The following ABCD2 variants were observed in gnomAD, a reference collection of about 807,000 sequenced individuals.
ABCD2 encodes the protein ATP binding cassette subfamily D member 2.
In ABCD2, 36 loss-of-function variants were observed where a neutral mutation model predicts 70.9. The observed-to-expected ratio is 0.51, with a 90% CI of 0.39 to 0.67. ABCD2 has a LOEUF of 0.67. Ranked by LOEUF, ABCD2 falls within the 30% of genes least tolerant of loss-of-function variation. The pLI, the probability that ABCD2 is intolerant of heterozygous loss-of-function variation, is 0.00. For synonymous variants in ABCD2, 304 were observed against 306.9 expected (o/e 0.99, Z 0.10); for missense variants, 729 against 890.2 (o/e 0.82, Z 2.30).
At chr12:39,562,000 T>G (rs4284427) in intron 9 of ABCD2, among the ~76,000 whole-genome samples, 1 of 151,960 alleles carries the variant, frequency 6.6e-6, no homozygotes, top group Non-Finnish European at 1.5e-5. Context: ...CTTTTCTCTC[T>G]TGAATGATAT....
chr12:39,545,354 A>G (rs962841846), downstream of ABCD2, among the ~76,000 whole-genome samples: 5 of 152,118 alleles, frequency 3.3e-5, no homozygotes, highest in African/African-American at 1.2e-4. Flanking sequence ...GTGCAATGGC[A>G]TAATCTTGGC....
rs1941949294 is a variant in ABCD2, at chr12:39,604,890, A to T, written c.1277T>A (p.Met426Lys). The change falls in exon 4 of 10, where the codon ATG becomes AAG. Residue 426 changes from methionine to lysine, a missense_variant. Transcript: ENST00000308666. ...LAGYTARVYN[M>K]FWVFDEVKRG... Reference sequence around the variant, plus strand: ...TTTTACTTCATCAAAGACCCAAAACATATTGTACACTCGAGCAGTGTAGCC... The same window carrying T: ...TTTTACTTCATCAAAGACCCAAAACTTATTGTACACTCGAGCAGTGTAGCC... 6.2e-7 allele frequency: 1 copy of T among 1,611,714 alleles called. No individual in the cohort carries two copies. Among genetic ancestry groups the T allele is most frequent in the Non-Finnish European group, 8.5e-7 (1 of 1,179,032 alleles).
chr12:39,532,207 G>A, the ABCD2 span, among the ~76,000 whole-genome samples: 1 of 152,200 alleles, frequency 6.6e-6, no homozygotes, highest in Admixed American at 6.5e-5. Context: ...TATCATTAGA[G>A]ATGAAAAGGT....
the ABCD2 span, among the ~76,000 whole-genome samples, chr12:39,538,262 A>T: frequency 7.0e-3 from 1,027 of 147,560 alleles, 6 homozygotes; most frequent in South Asian, 0.026. Flanking sequence ...CTCCACCTCC[A>T]GGGTTCAAGC....
intron 9 of ABCD2, among the ~76,000 whole-genome samples, chr12:39,565,263 A>G (rs1185745187): frequency 1.3e-5 from 2 of 152,202 alleles, no homozygotes; most frequent in Non-Finnish European, 2.9e-5. Flanking sequence ...ACCCATGAGC[A>G]TGGAATGTTC....
the ABCD2 span, among the ~76,000 whole-genome samples, chr12:39,534,652 A>G: frequency 1.3e-5 from 2 of 150,794 alleles, no homozygotes; most frequent in Non-Finnish European, 2.9e-5. Context: ...AAAGAAAGAA[A>G]GAAAAAAAGA....
intron 6 of ABCD2, among the ~76,000 whole-genome samples, chr12:39,590,436 A>C (rs1941730632): frequency 6.6e-6 from 1 of 152,178 alleles, no homozygotes; most frequent in African/African-American, 2.4e-5. Context: ...ACTTTCTATA[A>C]GTAAAACCCA....
intron 6 of ABCD2, among the ~76,000 whole-genome samples, chr12:39,599,084 A>C (rs1391436556): frequency 6.6e-6 from 1 of 152,130 alleles, no homozygotes; most frequent in Non-Finnish European, 1.5e-5. Context: ...TTTTTGCTTA[A>C]GCAACAGTAA....
chr12:39,598,108 C>A lies in ABCD2; in HGVS notation c.1646+2463G>T, dbSNP rs537038475. Among the ~76,000 whole-genome samples the A allele has an allele frequency of 6.6e-5, 10 of 152,254 alleles. 1 individual carries two copies. In the South Asian group the frequency reaches 2.1e-3, roughly 32 times the overall value. On this transcript the variant is annotated intron_variant, in intron 6 of 9. Transcript: ENST00000308666. ...TTTTTCCTTAGTGGTTCACTTCTTT[C>A]TTCCGTATACTACATGACATCATTA...
At chr12:39,555,989 G>T (rs1406496099) in intron 9 of ABCD2, among the ~76,000 whole-genome samples, 1 of 152,162 alleles carries the variant, frequency 6.6e-6, no homozygotes, top group Non-Finnish European at 1.5e-5. Flanking sequence ...TGCAATAGCT[G>T]CAGCAATCAC....
Position 39,604,784 on chromosome 12 carries a change from G to A in ABCD2, c.1383C>T (p.Leu461=), listed in dbSNP as rs547265639. 5.6e-6 allele frequency: 9 copies of A among 1,604,424 alleles called. No individual in the cohort carries two copies. In the South Asian group the frequency reaches 1.0e-4, roughly 18 times the overall value. ...TACCTTTAATTGCCAATGTGTCACTGAGAGGTAATTCTACCTTAGCTCCAT... is the reference window on the plus strand; with the variant it reads ...TACCTTTAATTGCCAATGTGTCACTAAGAGGTAATTCTACCTTAGCTCCAT... ...SKNGAKVELP[L]SDTLAIKGKV... Residue 461 remains leucine, a synonymous_variant, in exon 4 of 10, where the codon CTC becomes CTT. Coordinates refer to ENST00000308666, the MANE Select transcript of ABCD2 (RefSeq NM_005164.4).
At chr12:39,615,863 T>G (rs1050625067) in intron 2 of ABCD2, among the ~76,000 whole-genome samples, 8 of 152,148 alleles carry the variant, frequency 5.3e-5, no homozygotes, top group Admixed American at 5.2e-4. Flanking sequence ...GCAGATTCTG[T>G]AACAATATTC....
rs539475336 is a variant in ABCD2 at position 39,584,482 on chromosome 12, T to C, written c.1792+1670A>G. The stretch of plus-strand genomic sequence containing the variant: ...TTGTGTAGGTTGTCTGTTTACTCTG[T>C]TGATAGTTTCTTTTGCTGTGCAGAA... On this transcript the variant is annotated intron_variant, in intron 7 of 9. Coordinates refer to ENST00000308666, the MANE Select transcript of ABCD2 (RefSeq NM_005164.4). 7.2e-5 allele frequency among the ~76,000 whole-genome samples: 11 copies of C among 152,262 alleles called. No individual in the cohort carries two copies. In the South Asian group the frequency reaches 2.3e-3, roughly 32 times the overall value.
At chr12:39,582,913 G>A (rs1941616182) in intron 7 of ABCD2, among the ~76,000 whole-genome samples, 1 of 149,662 alleles carries the variant, frequency 6.7e-6, no homozygotes, top group Admixed American at 6.6e-5. Context: ...AGGCTGGAGT[G>A]CAGTGATGCA....
Position 39,605,010 on chromosome 12 carries a change from T to A in ABCD2, c.1237-80A>T, listed in dbSNP as rs1941951061. The A allele has an allele frequency of 2.5e-6, 3 of 1,180,532 alleles. No homozygotes were observed. In the Admixed American group the frequency reaches 8.7e-5, roughly 34 times the overall value. 73.1% of individuals were successfully genotyped at this position (1,180,532 alleles called of 1,614,324 possible). On this transcript the variant is annotated intron_variant, in intron 3 of 9. Coordinates refer to ENST00000308666, the MANE Select transcript of ABCD2 (RefSeq NM_005164.4). ...AAATAAATATGTAATCAGATAAGCT[T>A]CTTGACTTAATGTAAAAGATTATAT...
chr12:39,536,173 T>C, the ABCD2 span, among the ~76,000 whole-genome samples: 2 of 152,260 alleles, frequency 1.3e-5, no homozygotes, highest in Non-Finnish European at 2.9e-5. Flanking sequence ...TATATATTTG[T>C]TCATCTACTT....
chr12:39,559,282 C>A (rs184741100), intron 9 of ABCD2, among the ~76,000 whole-genome samples: 1 of 145,672 alleles, frequency 6.9e-6, no homozygotes, highest in South Asian at 2.2e-4. Context: ...TGAGGCAGGG[C>A]AGGAGAATTG....
chr12:39,603,990 C>T lies in ABCD2; in HGVS notation c.1422G>A (p.Val474=). The change falls in exon 5 of 10, where the codon GTG becomes GTA. Residue 474 remains valine, a synonymous_variant. Coordinates refer to ENST00000308666, the MANE Select transcript of ABCD2 (RefSeq NM_005164.4). ...CATTTTCACAAATAATTCCGTGATC[C>T]ACATCAATAACTTTTCCTGTAATTA... ...TLAIKGKVID[V]DHGIICENVP... is the part of the protein sequence containing the mutation. 1 of 1,611,162 alleles carries T rather than the reference C, an allele frequency of 6.2e-7. No individual in the cohort carries two copies. The highest frequency in any genetic ancestry group is 8.5e-7 in the Non-Finnish European group (1 of 1,178,094).
intron 9 of ABCD2, among the ~76,000 whole-genome samples, chr12:39,571,080 G>T (rs1412627200): frequency 6.6e-6 from 1 of 152,146 alleles, no homozygotes; most frequent in Non-Finnish European, 1.5e-5. Flanking sequence ...GAAAGTGTTG[G>T]TGAGGATGTG....
Sources: allele counts gnomAD v4.1 joint callset (sites outside exome capture counted in the v4.1 genomes callset), GRCh38; gene constraint gnomAD v4.1.1; transcripts MANE v1.5; gene names NCBI Gene and HGNC (gene_info 2026-07-23, HGNC 2026-07-21).